The following STON1 variants were observed in gnomAD, a reference collection of about 807,000 sequenced individuals.
STON1 encodes the protein stonin-1.
In STON1, 79 loss-of-function variants were observed where a neutral mutation model predicts 60.9. The ratio of observed to expected loss-of-function variants is 1.30; its 90% CI spans 1.08 to 1.56. The LOEUF is 1.56. STON1 is among the 40% of genes most tolerant of loss of function. STON1 has a pLI of 0.00. For missense variants in STON1, 1,166 were observed against 858.9 expected (o/e 1.36, Z -4.47); for synonymous variants, 363 against 306.9 (o/e 1.18, Z -1.91).
At chr2:48,549,661 A>T (rs1235796519) in intron 1 of STON1, among the ~76,000 whole-genome samples, 1 of 151,714 alleles carries the variant, frequency 6.6e-6, no homozygotes, top group East Asian at 1.9e-4. Context: ...AAAATACAAA[A>T]ATTACCCGGG....
chr2:48,591,888 A>G, intron 3 of STON1, 33 bp downstream of exon 3: 1 of 1,605,888 alleles, frequency 6.2e-7, no homozygotes, highest in Non-Finnish European at 8.5e-7. Flanking sequence ...CTGTGACCTG[A>G]TTTGGCTTTA....
rs1440947301 is a variant in STON1 at position 48,581,645 on chromosome 2, T to C, written c.1012T>C (p.Phe338Leu). 1.2e-6 allele frequency: 2 copies of C among 1,614,100 alleles called. No individual in the cohort carries two copies. Among genetic ancestry groups the C allele is most frequent in the South Asian group, 2.2e-5 (2 of 91,058 alleles). Residue 338 changes from phenylalanine (F) to leucine (L), a missense_variant, in exon 2 of 4, where the codon TTC (phenylalanine) becomes CTC (leucine). Coordinates refer to ENST00000404752, the MANE Select transcript of STON1 (RefSeq NM_006873.4). ...GCTTTCTGAACCCAAGGTTGAGAAC[T>C]TCAGTGTAGCAGGAAAAATCCACAC... ...CRLSEPKVEN[F>L]SVAGKIHTVK...
Position 48,581,654 on chromosome 2 carries a change from G to T in STON1, c.1021G>T (p.Ala341Ser). 3.1e-6 allele frequency: 5 copies of T among 1,613,810 alleles called. No individual in the cohort carries two copies. The highest frequency in any genetic ancestry group is 3.4e-6 in the Non-Finnish European group (4 of 1,179,962). ...ACCCAAGGTTGAGAACTTCAGTGTA[G>T]CAGGAAAAATCCACACTGTGAAGAT... ...SEPKVENFSV[A>S]GKIHTVKIEH... The change falls in exon 2 of 4, where the codon GCA becomes TCA. Residue 341 changes from alanine (A) to serine (S), a missense_variant. By Grantham distance (99) the Ala-to-Ser change is moderately conservative (BLOSUM62 1). Transcript: ENST00000404752.
At chr2:48,574,921 G>C (rs542625403) in intron 1 of STON1, among the ~76,000 whole-genome samples, 1 of 152,134 alleles carries the variant, frequency 6.6e-6, no homozygotes, top group Non-Finnish European at 1.5e-5. Flanking sequence ...TGTTAAAAAC[G>C]GTGTTATGAA....
At chr2:48,551,996 G>T (rs1672126209) in intron 1 of STON1, among the ~76,000 whole-genome samples, 1 of 152,208 alleles carries the variant, frequency 6.6e-6, no homozygotes, top group Non-Finnish European at 1.5e-5. Flanking sequence ...GACTCTCCAG[G>T]TCCTGACATC....
chr2:48,582,815 G>T lies in STON1; in HGVS notation c.1930+252G>T, dbSNP rs78845494. Among the ~76,000 whole-genome samples the T allele has an allele frequency of 3.8e-3, 584 of 152,324 alleles. 4 individuals are homozygous for T. Among genetic ancestry groups the T allele is most frequent in the African/African-American group, 0.013 (548 of 41,566 alleles). ...AAATACCATGCTAGGCTAGGAATTT[G>T]TTGTGGATGGCGGCACTAAGAGAAA... On this transcript the variant is annotated intron_variant, in intron 2 of 3. Transcript: ENST00000404752.
At chr2:48,561,839 T>C (rs1394393941) in intron 1 of STON1, among the ~76,000 whole-genome samples, 1 of 152,190 alleles carries the variant, frequency 6.6e-6, no homozygotes, top group Non-Finnish European at 1.5e-5. Context: ...GTCAGCCACA[T>C]GTATGAAGTT....
chr2:48,557,460 C>T lies in STON1; in HGVS notation c.-47-23127C>T, dbSNP rs1041551199. On this transcript the variant is annotated intron_variant, in intron 1 of 3. Coordinates refer to ENST00000404752, the MANE Select transcript of STON1 (RefSeq NM_006873.4). ...CTCCTCACTTTCCAGACTGGGCAGC[C>T]AGGCAGAGGGGCTCCTCACATCCCA... is the stretch of plus-strand genomic sequence containing the variant. Among the ~76,000 whole-genome samples the T allele has an allele frequency of 2.8e-5, 3 of 105,542 alleles. 1 individual carries two copies. The highest frequency in any genetic ancestry group is 1.0e-4 in the African/African-American group (3 of 29,624). The allele number at this position is 105,542 out of a possible 152,430, so 69.2% of individuals were successfully genotyped here. A position where few individuals can be genotyped will look rare whatever the true frequency, so the allele number is the denominator to read the frequency against.
intron 1 of STON1, among the ~76,000 whole-genome samples, chr2:48,552,654 C>T (rs1278184711): frequency 1.3e-5 from 2 of 152,004 alleles, no homozygotes; most frequent in African/African-American, 4.8e-5. Context: ...CCTGTAATCC[C>T]AGCTACTCAG....
In STON1 at chr2:48,565,377, C is replaced by T. The variant is rs151064600; in HGVS notation, c.-47-15210C>T. 4.8e-3 allele frequency among the ~76,000 whole-genome samples: 737 copies of T among 152,236 alleles called. 8 individuals carry two copies. The highest frequency in any genetic ancestry group is 0.017 in the African/African-American group (687 of 41,540). ...TCCGACTTCTTATACAGGTACTAAT[C>T]CTATTCATGAGGGCTCTACACTCAT... On this transcript the variant is annotated intron_variant, in intron 1 of 3. Transcript: ENST00000404752.
chr2:48,571,734 G>C (rs1239665000), intron 1 of STON1, among the ~76,000 whole-genome samples: 3 of 152,226 alleles, frequency 2.0e-5, no homozygotes, highest in Admixed American at 6.5e-5. Context: ...GAAAGGGAAA[G>C]AAGGTGCTGC....
At chr2:48,570,477 ATTAG>A (rs1211954726) in intron 1 of STON1, among the ~76,000 whole-genome samples, 1 of 152,178 alleles carries the variant, frequency 6.6e-6, no homozygotes, top group African/African-American at 2.4e-5. Flanking sequence ...GGTAGGGACA[ATTAG>A]TTAGTTCAGG....
chr2:48,587,506 T>A (rs1035310010), intron 2 of STON1, among the ~76,000 whole-genome samples: 5 of 152,190 alleles, frequency 3.3e-5, no homozygotes, highest in African/African-American at 1.2e-4. Flanking sequence ...TTGGCCAGGC[T>A]GGTCTCAAAC....
intron 1 of STON1, among the ~76,000 whole-genome samples, chr2:48,534,149 G>T (rs1003693422): frequency 2.6e-5 from 4 of 152,084 alleles, no homozygotes. Flanking sequence ...GAAAATACTG[G>T]AATTATGTGC....
intron 1 of STON1, among the ~76,000 whole-genome samples, chr2:48,578,284 A>G (rs995882266): frequency 5.3e-5 from 8 of 152,142 alleles, no homozygotes; most frequent in African/African-American, 1.9e-4. Flanking sequence ...AGCCTCTTCC[A>G]TCCATGTTGA....
At chr2:48,542,448 A>T (rs928363342) in intron 1 of STON1, among the ~76,000 whole-genome samples, 13 of 152,238 alleles carry the variant, frequency 8.5e-5, no homozygotes, top group Admixed American at 5.9e-4. Context: ...ATAAAACAGT[A>T]ATAACAAAAT....
At chr2:48,570,727 C>G (rs926418245) in intron 1 of STON1, among the ~76,000 whole-genome samples, 2 of 152,000 alleles carry the variant, frequency 1.3e-5, no homozygotes, top group Non-Finnish European at 1.5e-5. Flanking sequence ...AGGAAGCAAA[C>G]ACTTTCCTAG....
rs761991993 is a variant in STON1 at position 48,580,597 on chromosome 2, T to C, written c.-37T>C. On this transcript the variant is annotated 5_prime_UTR_variant, in exon 2 of 4. Coordinates refer to ENST00000404752, the MANE Select transcript of STON1 (RefSeq NM_006873.4). ...TTATTTTTTTAACAGAGTCAACCTA[T>C]TTGATTTCTTGACAAGACCACAATC... The C allele has an allele frequency of 1.5e-6, 2 of 1,323,124 alleles. No homozygotes were observed. Among genetic ancestry groups the C allele is most frequent in the South Asian group, 3.0e-5 (1 of 33,130 alleles). 82.0% of individuals were successfully genotyped at this position (1,323,124 alleles called of 1,614,324 possible). A position where few individuals can be genotyped will look rare whatever the true frequency, so the allele number is the denominator to read the frequency against.
chr2:48,541,781 G>T (rs1671665310), intron 1 of STON1, among the ~76,000 whole-genome samples: 1 of 151,178 alleles, frequency 6.6e-6, no homozygotes, highest in African/African-American at 2.4e-5. Context: ...TCCTGCATGT[G>T]AAATCTCCTG....
Sources: allele counts gnomAD v4.1 joint callset (sites outside exome capture counted in the v4.1 genomes callset), GRCh38; gene constraint gnomAD v4.1.1; transcripts MANE v1.5; gene names NCBI Gene and HGNC (gene_info 2026-07-23, HGNC 2026-07-21).